CNTN6: variants seen among roughly 807,000 people sequenced by gnomAD.
CNTN6 encodes the protein contactin-6.
Under a neutral mutation model 122.8 loss-of-function variants are expected in CNTN6, and 137 were observed. The observed-to-expected ratio is 1.12, with a 90% CI of 0.97 to 1.29. The LOEUF (loss-of-function observed/expected upper bound fraction) is 1.29. CNTN6 is among the 50% of genes most tolerant of loss of function. The pLI is 0.00. For missense variants in CNTN6, 1,634 were observed against 1,223.4 expected, an observed-to-expected ratio of 1.34 and a Z score of -5.01; for synonymous variants, 570 against 426.0, an observed-to-expected ratio of 1.34 and a Z score of -4.16.
intron 1 of CNTN6, among the ~76,000 whole-genome samples, chr3:1,098,969 C>T (rs1241270349): frequency 3.3e-5 from 5 of 150,746 alleles, no homozygotes; most frequent in South Asian, 2.1e-4. Flanking sequence ...TAAGGGCCTA[C>T]GTTGTAACTC....
At chr3:1,178,872 C>G (rs2093502376) in intron 2 of CNTN6, among the ~76,000 whole-genome samples, 1 of 152,152 alleles carries the variant, frequency 6.6e-6, no homozygotes, top group Non-Finnish European at 1.5e-5. Flanking sequence ...GTCTGTTTCA[C>G]TCCCATCTTT....
At chr3:1,280,121 T>C (rs887844181) in intron 5 of CNTN6, among the ~76,000 whole-genome samples, 5 of 152,226 alleles carry the variant, frequency 3.3e-5, no homozygotes, top group Non-Finnish European at 7.3e-5. Context: ...TACGATGTTA[T>C]TCAAATATTC....
At chr3:1,158,839 CATATATAT>C (rs1283379201) in intron 2 of CNTN6, among the ~76,000 whole-genome samples, 3 of 53,246 alleles carry the variant, frequency 5.6e-5, no homozygotes, top group African/African-American at 4.6e-4. Flanking sequence ...TATACACACA[CATATATAT>C]ACATACATAT....
chr3:1,230,992 A>G (rs2094346114), intron 4 of CNTN6, among the ~76,000 whole-genome samples: 1 of 152,160 alleles, frequency 6.6e-6, no homozygotes, highest in African/African-American at 2.4e-5. Flanking sequence ...ATACCCACAG[A>G]TATCCCTTTT....
chr3:1,326,520 A>G (rs981390803), intron 9 of CNTN6, among the ~76,000 whole-genome samples: 1 of 151,944 alleles, frequency 6.6e-6, no homozygotes, highest in South Asian at 2.1e-4. Context: ...ATGAACACTG[A>G]CGACTGTCTT....
intron 13 of CNTN6, among the ~76,000 whole-genome samples, 181 bp from the exon 14 acceptor site, chr3:1,372,657 C>T (rs1037231158): frequency 2.0e-5 from 3 of 151,894 alleles, no homozygotes; most frequent in South Asian, 4.1e-4. Context: ...TACTTGTTTT[C>T]TAGATGTAAT....
At chr3:1,383,494 C>T (rs1255974239) in intron 19 of CNTN6, 86 bp downstream of exon 19, 2 of 963,482 alleles carry the variant, frequency 2.1e-6, no homozygotes, top group East Asian at 2.4e-5. Flanking sequence ...TCCTACTAGC[C>T]TGTTGTTAGC....
chr3:1,100,234 T>A (rs1453269963), intron 1 of CNTN6, among the ~76,000 whole-genome samples: 1 of 152,162 alleles, frequency 6.6e-6, no homozygotes, highest in Non-Finnish European at 1.5e-5. Context: ...TTGTTGAAAA[T>A]CGCTTATGTT....
At position 1,404,112 on chromosome 3, in the gene CNTN6, A is replaced by G. The variant is rs1696048980; in HGVS notation, c.*694A>G. Reference sequence around the variant, plus strand: ...ATATATTAAGCAATTGCTCATGGCAAAGTTGAACATTTGAACTGCTGCATG... The same window carrying G: ...ATATATTAAGCAATTGCTCATGGCAGAGTTGAACATTTGAACTGCTGCATG... On this transcript the variant is annotated 3_prime_UTR_variant, in exon 23 of 23. Transcript: ENST00000446702. 1 of 152,168 alleles carries G rather than the reference A, an allele frequency of 6.6e-6. No individual in the cohort carries two copies. Among genetic ancestry groups the G allele is most frequent in the Admixed American group, 6.6e-5 (1 of 15,264 alleles). 9.4% of individuals were successfully genotyped at this position (152,168 alleles called of 1,614,324 possible).
intron 4 of CNTN6, among the ~76,000 whole-genome samples, chr3:1,265,464 C>T (rs2094912923): frequency 6.6e-6 from 1 of 152,260 alleles, no homozygotes; most frequent in African/African-American, 2.4e-5. Context: ...GGTTCTTACT[C>T]AAGAGTAGAA....
Position 1,220,711 on chromosome 3 carries a change from T to C in CNTN6, c.80T>C (p.Ile27Thr). The stretch of plus-strand genomic sequence containing the variant: ...GGTGATGGTCTTTTAAGCCGTCCTA[T>C]TTTTACTCAGGAGCCACATGATGTC... ...SAGDGLLSRP[I>T]FTQEPHDVIF... The change falls in exon 3 of 23, where the codon ATT (isoleucine) becomes ACT (threonine). Residue 27 changes from isoleucine (I) to threonine (T), a missense_variant. By Grantham distance (89) the Ile-to-Thr change is moderately conservative. Coordinates refer to ENST00000446702, the MANE Select transcript of CNTN6 (RefSeq NM_001289080.2). The C allele has an allele frequency of 1.2e-6, 2 of 1,612,680 alleles. No individual in the cohort carries two copies. The highest frequency in any genetic ancestry group is 1.7e-6 in the Non-Finnish European group (2 of 1,179,356).
intron 20 of CNTN6, among the ~76,000 whole-genome samples, chr3:1,398,656 C>G (rs1695280703): frequency 6.6e-6 from 1 of 152,016 alleles, no homozygotes; most frequent in African/African-American, 2.4e-5. Context: ...TACCACTAAC[C>G]AAATGAGGAA....
chr3:1,346,862 G>A (rs542650203), intron 11 of CNTN6, among the ~76,000 whole-genome samples: 1 of 152,180 alleles, frequency 6.6e-6, no homozygotes, highest in East Asian at 1.9e-4. Context: ...CTCCTTCCTG[G>A]TGTTCTGTTC....
intron 11 of CNTN6, among the ~76,000 whole-genome samples, chr3:1,337,060 T>C (rs1011452552): frequency 6.6e-6 from 1 of 152,140 alleles, no homozygotes; most frequent in African/African-American, 2.4e-5. Flanking sequence ...AATGGTCCCC[T>C]TGGGAAGACC....
chr3:1,210,861 T>G (rs1263498582), intron 2 of CNTN6, among the ~76,000 whole-genome samples: 1 of 152,246 alleles, frequency 6.6e-6, no homozygotes, highest in East Asian at 1.9e-4. Context: ...CCCTGGTATC[T>G]TTCTTGATCT....
chr3:1,269,736 C>T (rs1410273216), intron 4 of CNTN6, among the ~76,000 whole-genome samples: 1 of 152,038 alleles, frequency 6.6e-6, no homozygotes, highest in African/African-American at 2.4e-5. Context: ...AACTTAAGTG[C>T]TGGGCTGTTA....
At chr3:1,165,149 T>A (rs912372891) in intron 2 of CNTN6, among the ~76,000 whole-genome samples, 1 of 152,196 alleles carries the variant, frequency 6.6e-6, no homozygotes, top group Non-Finnish European at 1.5e-5. Flanking sequence ...TGGTTATTTG[T>A]GTGGCTTGGA....
chr3:1,360,795 A>G (rs528097277), intron 12 of CNTN6, among the ~76,000 whole-genome samples: 5 of 152,166 alleles, frequency 3.3e-5, no homozygotes, highest in Non-Finnish European at 5.9e-5. Context: ...TTACAAATTT[A>G]CTATATCCTA....
Position 1,374,015 on chromosome 3 carries a change from C to T in CNTN6, c.2037C>T (p.Asn679=), listed in dbSNP as rs780804599. ...VEYEFRVVAG[N]SIGIGEPSEP... The stretch of plus-strand genomic sequence containing the variant: ...ATGAATTTCGTGTTGTTGCCGGCAA[C>T]AGCATTGGGATTGGAGAACCAAGTG... The change falls in exon 16 of 23, where the codon AAC becomes AAT. Residue 679 remains asparagine, a synonymous_variant. Transcript: ENST00000446702. The T allele has an allele frequency of 6.2e-7, 1 of 1,613,128 alleles. No individual in the cohort carries two copies. The highest frequency in any genetic ancestry group is 1.1e-5 in the South Asian group (1 of 91,060).
Sources: gnomAD v4.1 joint callset for allele counts (sites outside exome capture counted in the v4.1 genomes callset) on GRCh38, gnomAD v4.1.1 for gene constraint, MANE v1.5 for transcripts, NCBI Gene and HGNC (gene_info 2026-07-23, HGNC 2026-07-21) for gene names.